UTRN: variants seen among roughly 807,000 people sequenced by gnomAD.
UTRN encodes utrophin, also known as dystrophin-related protein 1.
A neutral mutation model predicts 463.9 loss-of-function variants in UTRN; 283 were observed. The ratio of observed to expected loss-of-function variants is 0.61; its 90% CI spans 0.55 to 0.67. UTRN has a LOEUF of 0.67. UTRN is among the 30% of genes least tolerant of loss of function. The pLI is 0.00. For synonymous variants in UTRN, 1,442 were observed against 1,431.5 expected (o/e 1.01, Z -0.17); for missense variants, 3,922 against 4,084.3 (o/e 0.96, Z 1.08).
At chr6:144,534,066 GA>G (rs1454645963) in intron 43 of UTRN, among the ~76,000 whole-genome samples, 2 of 151,960 alleles carry the variant, frequency 1.3e-5, no homozygotes, top group Non-Finnish European at 2.9e-5. Flanking sequence ...ATCATTTTGT[GA>G]AAGGCCAATC....
intron 56 of UTRN, 61 bp downstream of exon 56, chr6:144,752,013 C>G (rs1791453056): frequency 8.2e-6 from 12 of 1,466,742 alleles, no homozygotes; most frequent in Non-Finnish European, 1.1e-5. Flanking sequence ...TAAACCCTAC[C>G]TCACTATATT....
intron 2 of UTRN, 61 bp downstream of exon 2, chr6:144,291,968 T>C: frequency 1.3e-6 from 2 of 1,516,278 alleles, no homozygotes; most frequent in Non-Finnish European, 1.8e-6. Context: ...CCTATGTTTC[T>C]TGGATTGATT....
rs372029839 is a variant in UTRN, at chr6:144,656,820, T to C, written c.7480-21586T>C. Among the ~76,000 whole-genome samples, 64 of 152,370 alleles carry C rather than the reference T, an allele frequency of 4.2e-4. 2 individuals carry two copies. The highest frequency in any genetic ancestry group is 1.4e-3 in the African/African-American group (60 of 41,586). On this transcript the variant is annotated intron_variant, in intron 51 of 74. Transcript: ENST00000367545. ...AACAACATTTTTAGTTGCTTTCTTG[T>C]GTTTTAGTGAGAGTATAGTTACCCT...
At chr6:144,329,626 C>A (rs180812344) in intron 2 of UTRN, among the ~76,000 whole-genome samples, 61 of 152,222 alleles carry the variant, frequency 4.0e-4, no homozygotes, top group African/African-American at 1.4e-3. Context: ...GTGACACAGT[C>A]AAAGCTACCA....
At chr6:144,444,416 A>C in intron 14 of UTRN, 34 bp downstream of exon 14, 1 of 1,548,130 alleles carries the variant, frequency 6.5e-7, no homozygotes, top group Non-Finnish European at 8.8e-7. Context: ...GGCAAAATAA[A>C]TGGTGAAAAG....
intron 50 of UTRN, among the ~76,000 whole-genome samples, chr6:144,563,538 A>G (rs997583478): frequency 6.6e-6 from 1 of 152,140 alleles, no homozygotes; most frequent in Non-Finnish European, 1.5e-5. Context: ...CTTAGGTGAA[A>G]AGTACAGGTA....
chr6:144,754,920 AG>A lies in UTRN; in HGVS notation c.8434+124del, dbSNP rs1478533872. Reference sequence around the variant, plus strand: ...TTTATTTAGATAGATCCTTGTAAGGAGGTACTAACATCAAAGAAAATATTGC... The same window carrying A: ...TTTATTTAGATAGATCCTTGTAAGGAGTACTAACATCAAAGAAAATATTGC... On this transcript the variant is annotated intron_variant, in intron 57 of 74. Coordinates refer to ENST00000367545, the MANE Select transcript of UTRN (RefSeq NM_007124.3). 3.5e-6 allele frequency: 3 copies of A among 858,804 alleles called. No individual in the cohort carries two copies. The African/African-American group carries it at 5.2e-5, about 15-fold the overall frequency. The allele number at this position is 858,804 out of a possible 1,614,324, so 53.2% of individuals were successfully genotyped here.
chr6:144,807,561 CAG>C (rs1372847538), intron 65 of UTRN, among the ~76,000 whole-genome samples: 1 of 152,036 alleles, frequency 6.6e-6, no homozygotes, highest in Non-Finnish European at 1.5e-5. Context: ...CAGCATGACA[CAG>C]ATGATATTTA....
At position 144,557,269 on chromosome 6, in the gene UTRN, C is replaced by A. The variant is rs773648270; in HGVS notation, c.7247C>A (p.Thr2416Asn). 26 of 1,613,654 alleles carry A rather than the reference C, an allele frequency of 1.6e-5. No individual in the cohort carries two copies. The highest frequency in any genetic ancestry group is 1.8e-5 in the Non-Finnish European group (21 of 1,179,828). The change falls in exon 50 of 75, where the codon ACC (threonine) becomes AAC (asparagine). Residue 2416 changes from threonine (T) to asparagine (N), a missense_variant. Physicochemically the swap from Thr to Asn is moderately conservative, Grantham distance 65. Around this residue, in one of 3 missense-constraint regions of UTRN, gnomAD observed 1,309 missense variants for 1,452.6 expected, o/e 0.90. Transcript: ENST00000367545. The part of the protein sequence containing the change: ...GSDDTRNVKE[T>N]TEYLKTSWIN... The stretch of plus-strand genomic sequence containing the variant: ...GATGACACAAGGAATGTGAAAGAAA[C>A]CACAGAGTACTTAAAAACATCATGG...
chr6:144,472,644 A>T (rs1435622705), intron 23 of UTRN, among the ~76,000 whole-genome samples: 1 of 152,206 alleles, frequency 6.6e-6, no homozygotes, highest in Non-Finnish European at 1.5e-5. Context: ...GACATCATGG[A>T]AGGAATTGGG....
rs1791966250 is a variant in UTRN at position 144,482,283 on chromosome 6, C to T, written c.3582C>T (p.Ala1194=). The change falls in exon 27 of 75, where the codon GCC becomes GCT. Residue 1194 remains alanine, a synonymous_variant. Transcript: ENST00000367545. ...ILKDNIKLLA[A]KVPSGGQELT... ...AGGACAACATCAAGTTATTAGCTGCCAAGGTGCCCTCTGGTGGCCAGGAGT... is the reference window on the plus strand; with the variant it reads ...AGGACAACATCAAGTTATTAGCTGCTAAGGTGCCCTCTGGTGGCCAGGAGT... The T allele has an allele frequency of 6.2e-7, 1 of 1,609,628 alleles. No homozygotes were observed.
At chr6:144,763,368 T>A (rs1334359979) in intron 58 of UTRN, among the ~76,000 whole-genome samples, 1 of 152,218 alleles carries the variant, frequency 6.6e-6, no homozygotes, top group Non-Finnish European at 1.5e-5. Flanking sequence ...TTATTGATAA[T>A]CCTGCAAAGC....
chr6:144,542,320 T>G (rs560138442), intron 45 of UTRN, among the ~76,000 whole-genome samples: 31 of 152,272 alleles, frequency 2.0e-4, no homozygotes, highest in African/African-American at 7.2e-4. Flanking sequence ...TGGGCAGTCT[T>G]TAGCCTCTCA....
At chr6:144,581,265 G>A (rs1182644026) in intron 51 of UTRN, among the ~76,000 whole-genome samples, 2 of 152,132 alleles carry the variant, frequency 1.3e-5, no homozygotes, top group Non-Finnish European at 2.9e-5. Context: ...ATTAGTTCAA[G>A]TGCATTTATT....
At chr6:144,630,015 C>G (rs1179206144) in intron 51 of UTRN, among the ~76,000 whole-genome samples, 2 of 147,842 alleles carry the variant, frequency 1.4e-5, no homozygotes, top group African/African-American at 5.1e-5. Flanking sequence ...GAAACCCCAT[C>G]TCTACTAAAA....
intron 2 of UTRN, among the ~76,000 whole-genome samples, chr6:144,400,795 C>G (rs1209589067): frequency 6.6e-6 from 1 of 152,084 alleles, no homozygotes; most frequent in Non-Finnish European, 1.5e-5. Context: ...AATAATTTGT[C>G]TGTTACTTAG....
intron 53 of UTRN, among the ~76,000 whole-genome samples, chr6:144,718,007 T>C (rs1786697181): frequency 6.6e-6 from 1 of 152,168 alleles, no homozygotes; most frequent in Non-Finnish European, 1.5e-5. Context: ...GTCATCTACT[T>C]TCAGATGTTC....
chr6:144,331,451 G>A (rs1284566280), intron 2 of UTRN, among the ~76,000 whole-genome samples: 1 of 152,138 alleles, frequency 6.6e-6, no homozygotes, highest in African/African-American at 2.4e-5. Flanking sequence ...TTACCGAAAA[G>A]TGTCTGTTGT....
Position 144,732,225 on chromosome 6 carries a change from T to C in UTRN, c.7939+1739T>C, listed in dbSNP as rs112500552. On this transcript the variant is annotated intron_variant, in intron 54 of 74. Transcript: ENST00000367545. ...TTGAGTACTCTGTTTTATATATATA[T>C]ATATATATATATACATATATATATA... Among the ~76,000 whole-genome samples, 17 of 45,962 alleles carry C rather than the reference T, an allele frequency of 3.7e-4. No individual in the cohort carries two copies. In the Admixed American group the frequency reaches 6.4e-3, roughly 17 times the overall value. The allele number at this position is 45,962 out of a possible 152,430, so 30.2% of individuals were successfully genotyped here.
Sources: allele counts gnomAD v4.1 joint callset (sites outside exome capture counted in the v4.1 genomes callset), GRCh38; gene constraint gnomAD v4.1.1; regional missense constraint gnomAD v4.1.1; transcripts MANE v1.5; gene names NCBI Gene and HGNC (gene_info 2026-07-23, HGNC 2026-07-21).